PSMC1: variants seen among roughly 807,000 people sequenced by gnomAD.
PSMC1 encodes 26S proteasome regulatory subunit 4.
PSMC1 carries 5 observed loss-of-function variants against 49.8 expected under a neutral mutation model. The ratio of observed to expected loss-of-function variants is 0.10; its 90% CI spans 0.05 to 0.21. PSMC1 has a LOEUF of 0.21. PSMC1 is among the 10% of genes least tolerant of loss of function. The pLI, the probability that PSMC1 is intolerant of heterozygous loss-of-function variation, is 1.00. For synonymous variants in PSMC1, 155 were observed against 192.1 expected (o/e 0.81, Z 1.60); for missense variants, 181 against 535.7 (o/e 0.34, Z 6.54).
In PSMC1 at chr14:90,266,253, C is replaced by CA. The variant is rs1295099578; in HGVS notation, c.691+1098dup. 2.7e-3 allele frequency among the ~76,000 whole-genome samples: 357 copies of CA among 130,566 alleles called. 1 individual carries two copies. The highest frequency in any genetic ancestry group is 0.012 in the Middle Eastern group (3 of 260). 85.7% of individuals were successfully genotyped at this position (130,566 alleles called of 152,430 possible). On this transcript the variant is annotated intron_variant, in intron 7 of 10. Coordinates refer to ENST00000261303, the MANE Select transcript of PSMC1 (RefSeq NM_002802.3). ...CTGGGTGACAGAGCGAGACCATCTC[C>CA]AAAAAAAAAAACAAAAAAAACCCAC...
Position 90,268,249 on chromosome 14 carries a change from A to G in PSMC1, c.717A>G (p.Val239=), listed in dbSNP as rs1891570415. Residue 239 remains valine, a synonymous_variant, in exon 8 of 11, where the codon GTA becomes GTG. Coordinates refer to ENST00000261303, the MANE Select transcript of PSMC1 (RefSeq NM_002802.3). ...GTAAAACCTTGTTAGCCAAAGCAGT[A>G]GCAAACCAAACCTCAGCCACTTTCT... is the stretch of plus-strand genomic sequence containing the variant. ...GTGKTLLAKA[V]ANQTSATFLR... is the part of the protein sequence containing the mutation. 1 of 1,596,280 alleles carries G rather than the reference A, an allele frequency of 6.3e-7. No homozygotes were observed. Among genetic ancestry groups the G allele is most frequent in the Non-Finnish European group, 8.5e-7 (1 of 1,173,230 alleles).
At chr14:90,264,212 T>A (rs1196573852) in intron 6 of PSMC1, 43 bp downstream of exon 6, 1 of 1,607,368 alleles carries the variant, frequency 6.2e-7, no homozygotes, top group East Asian at 2.2e-5. Context: ...AGTTTTGGTT[T>A]CTGTTGTCCC....
intron 3 of PSMC1, among the ~76,000 whole-genome samples, chr14:90,261,275 C>T (rs1891392586): frequency 6.6e-6 from 1 of 152,166 alleles, no homozygotes; most frequent in South Asian, 2.1e-4. Flanking sequence ...GCTCAAATAC[C>T]TCCCCAAATG....
At chr14:90,267,946 G>A (rs534652728) in intron 7 of PSMC1, 1 of 318,442 alleles carries the variant, frequency 3.1e-6, no homozygotes, top group South Asian at 6.6e-5. Context: ...GGGAAACTGG[G>A]TCAAGGTTGG....
At chr14:90,262,333 A>G (rs559373838) in intron 3 of PSMC1, among the ~76,000 whole-genome samples, 4 of 152,252 alleles carry the variant, frequency 2.6e-5, no homozygotes, top group Admixed American at 6.5e-5. Flanking sequence ...AGGCATTTCA[A>G]AAGTTTTTGT....
chr14:90,265,562 G>A (rs528856115), intron 7 of PSMC1, among the ~76,000 whole-genome samples: 66 of 151,930 alleles, frequency 4.3e-4, no homozygotes, highest in African/African-American at 1.3e-3. Flanking sequence ...GGTGACGTGC[G>A]CCTGTAGTCC....
At chr14:90,262,738 C>T (rs1477893003) in intron 3 of PSMC1, among the ~76,000 whole-genome samples, 4 of 151,526 alleles carry the variant, frequency 2.6e-5, no homozygotes, top group African/African-American at 7.3e-5. Flanking sequence ...GAGCTGAGAT[C>T]GCGCCGCTGC....
intron 8 of PSMC1, 126 bp from the exon 9 acceptor site, chr14:90,269,271 A>C (rs1595045606): frequency 1.3e-6 from 1 of 768,650 alleles, no homozygotes; most frequent in East Asian, 2.6e-5. Flanking sequence ...TAATTGAGGG[A>C]GTGCCATGTG....
intron 8 of PSMC1, chr14:90,268,921 A>G (rs1361725518): frequency 6.3e-6 from 1 of 159,506 alleles, no homozygotes; most frequent in Non-Finnish European, 1.4e-5. Flanking sequence ...TGAGAAGCCC[A>G]AGATCAAGGC....
In PSMC1 at chr14:90,274,838, A is replaced by ACAAC. The variant is rs1491397403; in HGVS notation, c.*2432_*2433insAACC. On this transcript the variant is annotated 3_prime_UTR_variant, in exon 11 of 11. Coordinates refer to ENST00000261303, the MANE Select transcript of PSMC1 (RefSeq NM_002802.3). Reference sequence around the variant, plus strand: ...CACACACACACACACACACACACACACCCCAATACATATGAATTGATCTGA... The same window carrying ACAAC: ...CACACACACACACACACACACACACACAACCCCCAATACATATGAATTGATCTGA... 1.0e-4 allele frequency: 7 copies of ACAAC among 67,186 alleles called. No individual in the cohort carries two copies. Among genetic ancestry groups the ACAAC allele is most frequent in the Non-Finnish European group, 1.9e-4 (6 of 31,320 alleles). The allele number at this position is 67,186 out of a possible 1,614,324, so 4.2% of individuals were successfully genotyped here. A position where few individuals can be genotyped will look rare whatever the true frequency, so the allele number is the denominator to read the frequency against.
intron 9 of PSMC1, chr14:90,269,798 C>T (rs1474042837): frequency 2.3e-6 from 1 of 426,172 alleles, no homozygotes; most frequent in Non-Finnish European, 4.1e-6. Context: ...CCCTTTTTAG[C>T]CTCAAGAACT....
Position 90,272,994 on chromosome 14 carries a change from T to C in PSMC1, c.*587T>C, listed in dbSNP as rs977566134. The C allele has an allele frequency of 6.6e-6, 1 of 152,202 alleles. No homozygotes were observed. Among genetic ancestry groups the C allele is most frequent in the Non-Finnish European group, 1.5e-5 (1 of 68,046 alleles). The allele number at this position is 152,202 out of a possible 1,614,324, so 9.4% of individuals were successfully genotyped here. A position where few individuals can be genotyped will look rare whatever the true frequency, so the allele number is the denominator to read the frequency against. On this transcript the variant is annotated 3_prime_UTR_variant, in exon 11 of 11. Coordinates refer to ENST00000261303, the MANE Select transcript of PSMC1 (RefSeq NM_002802.3). The surrounding 1 kb of genome is among the most constrained non-coding windows in gnomAD (Gnocchi z 4.5). ...AAGAGACTGAGGATTCCTAGAGATA[T>C]CTTGAAAGCCCTTCTGAGCCCTTGG...
intron 1 of PSMC1, 79 bp downstream of exon 1, chr14:90,256,679 G>A: frequency 6.5e-7 from 1 of 1,547,546 alleles, no homozygotes; most frequent in Non-Finnish European, 8.8e-7. Context: ...AGAAAGAGGC[G>A]GCTGCCCGAG....
intron 7 of PSMC1, among the ~76,000 whole-genome samples, chr14:90,265,726 G>A (rs1292916353): frequency 1.3e-5 from 2 of 150,424 alleles, no homozygotes; most frequent in Non-Finnish European, 3.0e-5. Context: ...GGGCGTGGTA[G>A]TGCATGCCTG....
intron 1 of PSMC1, among the ~76,000 whole-genome samples, chr14:90,258,412 T>A (rs752726518): frequency 3.9e-5 from 6 of 152,176 alleles, no homozygotes; most frequent in African/African-American, 1.4e-4. Context: ...TGGAGCTGAT[T>A]TGAGGGAGCT....
Position 90,273,446 on chromosome 14 carries a change from T to C in PSMC1, c.*1039T>C, listed in dbSNP as rs1243152395. On this transcript the variant is annotated 3_prime_UTR_variant, in exon 11 of 11. Coordinates refer to ENST00000261303, the MANE Select transcript of PSMC1 (RefSeq NM_002802.3). ...GGTGGCAGGTGCCTGTAGTCCCAGCTACTCAGGAGGCTGAGGCAGGACAAT... is the reference window on the plus strand; with the variant it reads ...GGTGGCAGGTGCCTGTAGTCCCAGCCACTCAGGAGGCTGAGGCAGGACAAT... 1 of 152,126 alleles carries C rather than the reference T, an allele frequency of 6.6e-6. No homozygotes were observed. The highest frequency in any genetic ancestry group is 1.5e-5 in the Non-Finnish European group (1 of 68,058). The allele number at this position is 152,126 out of a possible 1,614,324, so 9.4% of individuals were successfully genotyped here. A position where few individuals can be genotyped will look rare whatever the true frequency, so the allele number is the denominator to read the frequency against.
chr14:90,264,975 CT>C (rs1891476442), intron 6 of PSMC1, 94 bp from the exon 7 acceptor site: 1 of 912,204 alleles, frequency 1.1e-6, no homozygotes, highest in Non-Finnish European at 1.7e-6. Flanking sequence ...GAGATTTTTA[CT>C]TATTTTTGTT....
intron 3 of PSMC1, among the ~76,000 whole-genome samples, chr14:90,260,426 T>C (rs1182722967): frequency 2.0e-5 from 3 of 152,330 alleles, no homozygotes; most frequent in African/African-American, 7.2e-5. Context: ...TATGATTGTG[T>C]CTCACTTTAA....
intron 8 of PSMC1, 101 bp from the exon 9 acceptor site, chr14:90,269,296 T>C (rs1007480542): frequency 9.7e-7 from 1 of 1,028,128 alleles, no homozygotes; most frequent in Non-Finnish European, 1.4e-6. Flanking sequence ...GAAACAGGAA[T>C]GTTTGTTAAG....
Sources: allele counts gnomAD v4.1 joint callset (sites outside exome capture counted in the v4.1 genomes callset), GRCh38; gene constraint gnomAD v4.1.1; non-coding constraint Gnocchi (gnomAD v3.1); transcripts MANE v1.5; gene names NCBI Gene and HGNC (gene_info 2026-07-23, HGNC 2026-07-21).